The following GRM5 variants were observed in gnomAD, a reference collection of about 807,000 sequenced individuals.
GRM5 encodes metabotropic glutamate receptor 5.
In GRM5, 19 loss-of-function variants were observed where a neutral mutation model predicts 83.1. That is an observed-to-expected ratio of 0.23 (90% CI 0.16 to 0.34). The LOEUF is 0.34. GRM5 is among the 10% of genes least tolerant of loss of function. GRM5 has a pLI of 1.00. For synonymous variants in GRM5, 675 were observed against 633.6 expected (o/e 1.07, Z -0.98); for missense variants, 1,160 against 1,588.3 (o/e 0.73, Z 4.58).
At chr11:89,000,275 T>G (rs568236161) in intron 2 of GRM5, among the ~76,000 whole-genome samples, 29 of 152,134 alleles carry the variant, frequency 1.9e-4, no homozygotes, top group African/African-American at 5.1e-4. Flanking sequence ...GCTAAACAAT[T>G]TTGAAAAGGA....
chr11:88,541,342 T>C (rs1405861911), intron 8 of GRM5, among the ~76,000 whole-genome samples: 1 of 152,232 alleles, frequency 6.6e-6, no homozygotes, highest in Non-Finnish European at 1.5e-5. Context: ...CTGTTATAGA[T>C]ATTAGGAATT....
At chr11:89,058,203 C>G (rs1418833625) in intron 1 of GRM5, among the ~76,000 whole-genome samples, 3 of 152,124 alleles carry the variant, frequency 2.0e-5, no homozygotes, top group Admixed American at 1.3e-4. Context: ...AGCATACAAA[C>G]AAATCAAGTA....
chr11:88,625,816 TCAGA>T (rs1298312683), intron 4 of GRM5, among the ~76,000 whole-genome samples: 1 of 151,966 alleles, frequency 6.6e-6, no homozygotes, highest in Non-Finnish European at 1.5e-5. Context: ...AACAAAAAAA[TCAGA>T]CAAACAGCAA....
intron 7 of GRM5, among the ~76,000 whole-genome samples, chr11:88,572,883 C>A (rs952056835): frequency 6.6e-6 from 1 of 152,052 alleles, no homozygotes; most frequent in African/African-American, 2.4e-5. Flanking sequence ...TGAATTTAAT[C>A]AATTTAGCAT....
chr11:88,612,179 CTT>C (rs1430869515), intron 4 of GRM5, among the ~76,000 whole-genome samples: 2 of 143,854 alleles, frequency 1.4e-5, no homozygotes, highest in Non-Finnish European at 3.0e-5. Context: ...CATGTGATCT[CTT>C]TGTTCAATTC....
At chr11:88,633,335 C>A (rs1939031448) in intron 4 of GRM5, among the ~76,000 whole-genome samples, 1 of 152,234 alleles carries the variant, frequency 6.6e-6, no homozygotes, top group African/African-American at 2.4e-5. Context: ...ATTCTCATTA[C>A]AGAGCAAGTG....
intron 3 of GRM5, among the ~76,000 whole-genome samples, chr11:88,781,516 G>A (rs1434610776): frequency 6.6e-6 from 1 of 152,076 alleles, no homozygotes; most frequent in East Asian, 1.9e-4. Flanking sequence ...GCAAAGGCAC[G>A]GTGCAGTACT....
At chr11:89,045,533 T>G (rs1941623816) in intron 2 of GRM5, among the ~76,000 whole-genome samples, 1 of 152,212 alleles carries the variant, frequency 6.6e-6, no homozygotes, top group Non-Finnish European at 1.5e-5. Flanking sequence ...AATGTCTCAC[T>G]TATTTTAATA....
intron 3 of GRM5, among the ~76,000 whole-genome samples, chr11:88,742,770 A>G (rs1532547): frequency 0.64 from 97,149 of 151,946 alleles, 31,804 homozygotes; most frequent in East Asian, 0.87. Flanking sequence ...CTGTGGGTGT[A>G]AGGAATGCAT....
At chr11:89,015,622 A>G (rs1240315057) in intron 2 of GRM5, among the ~76,000 whole-genome samples, 1 of 152,190 alleles carries the variant, frequency 6.6e-6, no homozygotes, top group African/African-American at 2.4e-5. Context: ...ACAGAGTGAA[A>G]CACTTTATTC....
intron 3 of GRM5, among the ~76,000 whole-genome samples, chr11:88,676,359 G>T (rs532750733): frequency 6.6e-6 from 1 of 152,042 alleles, no homozygotes; most frequent in Admixed American, 6.6e-5. Flanking sequence ...ATATGCCTAT[G>T]CTATCATTTG....
At chr11:88,742,219 A>C (rs1458454333) in intron 3 of GRM5, among the ~76,000 whole-genome samples, 1 of 152,008 alleles carries the variant, frequency 6.6e-6, no homozygotes, top group Non-Finnish European at 1.5e-5. Context: ...AAGGTGTAAT[A>C]ATAATTATTT....
At chr11:88,924,427 A>G (rs1945751704) in intron 2 of GRM5, among the ~76,000 whole-genome samples, 1 of 152,140 alleles carries the variant, frequency 6.6e-6, no homozygotes, top group Non-Finnish European at 1.5e-5. Context: ...GTGGATAAAT[A>G]AATTGTTATT....
chr11:88,630,969 A>T (rs1938954276), intron 4 of GRM5, among the ~76,000 whole-genome samples: 1 of 152,172 alleles, frequency 6.6e-6, no homozygotes, highest in Non-Finnish European at 1.5e-5. Flanking sequence ...GTACCATGTC[A>T]CAGCTGTGGG....
chr11:88,636,676 C>T (rs894538213), intron 4 of GRM5, among the ~76,000 whole-genome samples: 8 of 152,138 alleles, frequency 5.3e-5, no homozygotes, highest in Non-Finnish European at 1.2e-4. Flanking sequence ...TCAAGATAAA[C>T]ACCACTTGGT....
intron 7 of GRM5, among the ~76,000 whole-genome samples, chr11:88,568,232 G>T (rs1210729625): frequency 6.6e-6 from 1 of 152,110 alleles, no homozygotes; most frequent in Non-Finnish European, 1.5e-5. Flanking sequence ...ACAAAATAAT[G>T]CAGAACATGT....
chr11:88,596,953 A>G (rs998341989), intron 6 of GRM5, among the ~76,000 whole-genome samples: 1 of 152,110 alleles, frequency 6.6e-6, no homozygotes, highest in Non-Finnish European at 1.5e-5. Flanking sequence ...GGCTTGTATG[A>G]GCAGAAACGG....
intron 1 of GRM5, among the ~76,000 whole-genome samples, chr11:89,062,322 C>G (rs1420456150): frequency 6.6e-6 from 1 of 152,204 alleles, no homozygotes; most frequent in Non-Finnish European, 1.5e-5. Flanking sequence ...GAATGTCATG[C>G]AACTAAGACT....
intron 4 of GRM5, among the ~76,000 whole-genome samples, chr11:88,608,686 AT>A (rs549831939): frequency 6.6e-6 from 1 of 151,082 alleles, no homozygotes; most frequent in Non-Finnish European, 1.5e-5. Context: ...GCCCGGGTAC[AT>A]TTTTTTGTAT....
Sources: gnomAD v4.1 joint callset for allele counts (sites outside exome capture counted in the v4.1 genomes callset) on GRCh38, gnomAD v4.1.1 for gene constraint, MANE v1.5 for transcripts, NCBI Gene and HGNC (gene_info 2026-07-23, HGNC 2026-07-21) for gene names.